The following MEF2A variants were observed in gnomAD, a reference collection of about 807,000 sequenced individuals.
The protein encoded by MEF2A is myocyte enhancer factor 2A.
In MEF2A, 28 loss-of-function variants were observed where a neutral mutation model predicts 55.8. The ratio of observed to expected loss-of-function variants is 0.50; its 90% CI spans 0.37 to 0.69. The LOEUF (loss-of-function observed/expected upper bound fraction) is 0.69. MEF2A is among the 30% of genes least tolerant of loss of function. The pLI, the probability that MEF2A is intolerant of heterozygous loss-of-function variation, is 0.00. For missense variants in MEF2A, 528 were observed against 626.2 expected (o/e 0.84, Z 1.67); for synonymous variants, 239 against 227.1 (o/e 1.05, Z -0.47).
At chr15:99,575,079 T>C (rs1427897649) in intron 1 of MEF2A, among the ~76,000 whole-genome samples, 3 of 152,286 alleles carry the variant, frequency 2.0e-5, no homozygotes, top group East Asian at 3.9e-4. Flanking sequence ...ATTATTTTTA[T>C]TGTTGAACCA....
At chr15:99,668,410 C>T (rs8024380) in intron 4 of MEF2A, among the ~76,000 whole-genome samples, 9,242 of 152,204 alleles carry the variant, frequency 0.061, 364 homozygotes, top group East Asian at 0.17. Context: ...TAAATGGGTA[C>T]ACACCATTGA....
intron 3 of MEF2A, among the ~76,000 whole-genome samples, chr15:99,636,722 G>A (rs887367740): frequency 1.4e-4 from 21 of 151,958 alleles, no homozygotes; most frequent in African/African-American, 4.1e-4. Context: ...TATGAGTAGT[G>A]CCTTTTGTGT....
At chr15:99,687,089 T>C (rs1031542609) in intron 7 of MEF2A, among the ~76,000 whole-genome samples, 19 of 134,022 alleles carry the variant, frequency 1.4e-4, no homozygotes, top group African/African-American at 4.4e-4. Context: ...TTTTTCTTTT[T>C]TTTTTTTTTT....
At chr15:99,638,996 A>G (rs918317111) in intron 3 of MEF2A, among the ~76,000 whole-genome samples, 1 of 152,172 alleles carries the variant, frequency 6.6e-6, no homozygotes, top group Non-Finnish European at 1.5e-5. Flanking sequence ...TGGTCTTCCA[A>G]CAACTACTCC....
At chr15:99,573,286 CAAAAAAAAA>C (rs66573508) in intron 1 of MEF2A, among the ~76,000 whole-genome samples, 1 of 86,634 alleles carries the variant, frequency 1.2e-5, no homozygotes, top group African/African-American at 4.8e-5. Flanking sequence ...GACTCCGTCT[CAAAAAAAAA>C]AAAAAAAAAA....
intron 1 of MEF2A, among the ~76,000 whole-genome samples, chr15:99,572,078 C>T (rs1347945662): frequency 7.1e-6 from 1 of 141,460 alleles, no homozygotes; most frequent in Admixed American, 7.3e-5. Flanking sequence ...TATATTGGAT[C>T]ATATCATTTC....
At chr15:99,607,674 T>G (rs557228170) in intron 2 of MEF2A, among the ~76,000 whole-genome samples, 9 of 152,290 alleles carry the variant, frequency 5.9e-5, no homozygotes, top group African/African-American at 1.4e-4. Context: ...GAGTGAGTTG[T>G]TGGTGGTAGA....
Position 99,588,278 on chromosome 15 carries a change from A to C in MEF2A, c.-224-10152A>C, listed in dbSNP as rs114012393. 8.7e-3 allele frequency among the ~76,000 whole-genome samples: 1,317 copies of C among 151,876 alleles called. 26 individuals are homozygous for C. Among genetic ancestry groups the C allele is most frequent in the African/African-American group, 0.03 (1,238 of 41,426 alleles). On this transcript the variant is annotated intron_variant, in intron 1 of 11. Coordinates refer to ENST00000557942, the MANE Select transcript of MEF2A (RefSeq NM_001319206.4). The stretch of plus-strand genomic sequence containing the variant: ...ACCACAGGCGTGTGCCACCACACTC[A>C]GCTAATTTTTTTTTGTTGTTTTTTT...
intron 2 of MEF2A, among the ~76,000 whole-genome samples, chr15:99,604,770 A>G (rs1974466135): frequency 6.6e-6 from 1 of 150,874 alleles, no homozygotes; most frequent in African/African-American, 2.4e-5. Context: ...TGTATAAGTT[A>G]GTATCAGCTG....
chr15:99,567,888 C>G (rs991850940), intron 1 of MEF2A, among the ~76,000 whole-genome samples: 3 of 152,008 alleles, frequency 2.0e-5, no homozygotes, highest in African/African-American at 7.2e-5. Flanking sequence ...AGCATTGTTG[C>G]AAAAAGTTGT....
chr15:99,638,581 TAAAAC>T (rs2044313737), intron 3 of MEF2A, among the ~76,000 whole-genome samples: 1 of 152,206 alleles, frequency 6.6e-6, no homozygotes. Context: ...AATTAACTGA[TAAAAC>T]AGCCTAGTAC....
chr15:99,638,262 T>G (rs937023661), intron 3 of MEF2A, among the ~76,000 whole-genome samples: 3 of 146,588 alleles, frequency 2.0e-5, no homozygotes, highest in Non-Finnish European at 4.4e-5. Context: ...TTAAAAAAAA[T>G]TTTTTTTTTA....
intron 5 of MEF2A, among the ~76,000 whole-genome samples, chr15:99,673,286 A>G (rs967176799): frequency 2.6e-5 from 4 of 152,210 alleles, no homozygotes; most frequent in African/African-American, 9.6e-5. Context: ...CTTAAAAACA[A>G]TACAGTAGCA....
chr15:99,589,550 G>T (rs1968547621), intron 1 of MEF2A, among the ~76,000 whole-genome samples: 1 of 151,746 alleles, frequency 6.6e-6, no homozygotes, highest in Admixed American at 6.6e-5. Context: ...AGTTTAATAT[G>T]CTCCTTTTTT....
rs1491184447 is a variant in MEF2A, at chr15:99,712,529, CAG to C, written c.1277_1278del (p.Gln426ProfsTer34). 3.6e-5 allele frequency: 56 copies of C among 1,546,352 alleles called. No homozygotes were observed. The Middle Eastern group carries it at 5.0e-4, about 14-fold the overall frequency. ...CCAGCAGCAGCAGCAGCAGCAGCAG[CAG>C]CAGCAGCCGCCGCCACCACCGCAGC... Reference protein sequence around the residue: ...GFQQQQQQQQQQQPPPPPQPQ... With the variant: ...GFQQQQQQQQXQQPPPPPQPQ... On this transcript the variant is annotated frameshift_variant, in exon 12 of 12. Coordinates refer to ENST00000557942, the MANE Select transcript of MEF2A (RefSeq NM_001319206.4). LOFTEE classifies it high-confidence loss of function. The surrounding 1 kb of genome is among the most constrained non-coding windows in gnomAD (Gnocchi z 4.1).
At chr15:99,656,340 T>A (rs1205258714) in intron 4 of MEF2A, among the ~76,000 whole-genome samples, 1 of 152,142 alleles carries the variant, frequency 6.6e-6, no homozygotes, top group Admixed American at 6.5e-5. Context: ...AGGCCTCTGC[T>A]GTATTGCAGT....
At chr15:99,665,740 A>AAAAAAAAAAAAAAAAAAC (rs2049527089) in intron 4 of MEF2A, among the ~76,000 whole-genome samples, 1 of 149,380 alleles carries the variant, frequency 6.7e-6, no homozygotes, top group Non-Finnish European at 1.5e-5. Flanking sequence ...ACAAAAAAAA[A>AAAAAAAAAAAAAAAAAAC]AAAAAAAAAA....
chr15:99,576,894 A>G (rs917861642), intron 1 of MEF2A, among the ~76,000 whole-genome samples: 6 of 151,972 alleles, frequency 3.9e-5, no homozygotes, highest in African/African-American at 1.4e-4. Context: ...TGATCCACCC[A>G]CCTCGGCCTC....
chr15:99,613,801 G>GA (rs904342450), intron 2 of MEF2A, among the ~76,000 whole-genome samples: 32 of 152,186 alleles, frequency 2.1e-4, no homozygotes, highest in African/African-American at 7.0e-4. Context: ...TTTTAACGGG[G>GA]AACGTATTGA....
Sources: gnomAD v4.1 joint callset for allele counts (sites outside exome capture counted in the v4.1 genomes callset) on GRCh38, gnomAD v4.1.1 for gene constraint, Gnocchi (gnomAD v3.1) non-coding constraint, MANE v1.5 for transcripts, NCBI Gene and HGNC (gene_info 2026-07-23, HGNC 2026-07-21) for gene names.